Variants in CMSS1 observed in about 807,000 individuals in gnomAD.
The protein encoded by CMSS1 is protein CMSS1.
A neutral mutation model predicts 43.5 loss-of-function variants in CMSS1; 33 were observed. The ratio of observed to expected loss-of-function variants is 0.76; its 90% CI spans 0.57 to 1.01. CMSS1 has a LOEUF of 1.01. Ranked by LOEUF, CMSS1 falls within the 50% of genes least tolerant of loss-of-function variation. CMSS1 has a pLI of 0.00. For missense variants in CMSS1, 313 were observed against 326.4 expected (o/e 0.96, Z 0.32); for synonymous variants, 115 against 117.2 (o/e 0.98, Z 0.12).
chr3:100,172,436 G>C (rs370801320), intron 8 of CMSS1, 33 bp downstream of exon 8: 2 of 1,536,948 alleles, frequency 1.3e-6, no homozygotes, highest in Non-Finnish European at 1.8e-6. Flanking sequence ...CTCTTGCCCA[G>C]GGCTGGGAGT....
chr3:100,054,529 TATGTTATGTTATGTC>T (rs1559741173), intron 1 of CMSS1, among the ~76,000 whole-genome samples: 1 of 151,592 alleles, frequency 6.6e-6, no homozygotes, highest in African/African-American at 2.4e-5. Flanking sequence ...TATGTTATGT[TATGTTATGTTATGTC>T]ATGTTATGTT....
chr3:99,924,416 A>C (rs761153581), intron 1 of CMSS1: 7 of 1,613,182 alleles, frequency 4.3e-6, no homozygotes, highest in Non-Finnish European at 5.9e-6. Context: ...CAACTACGAA[A>C]GAAAACATTT....
At chr3:100,150,399 G>C (rs1402336282) in intron 2 of CMSS1, among the ~76,000 whole-genome samples, 1 of 152,142 alleles carries the variant, frequency 6.6e-6, no homozygotes, top group African/African-American at 2.4e-5. Flanking sequence ...CTTTGCTTAA[G>C]ACTGTACTAT....
At chr3:100,018,544 G>A (rs1002625966) in intron 1 of CMSS1, among the ~76,000 whole-genome samples, 6 of 151,842 alleles carry the variant, frequency 4.0e-5, no homozygotes, top group African/African-American at 7.3e-5. Flanking sequence ...CACCATCTAC[G>A]AAAATCAACT....
chr3:100,153,156 G>C (rs2066936119), intron 2 of CMSS1, among the ~76,000 whole-genome samples: 1 of 152,216 alleles, frequency 6.6e-6, no homozygotes, highest in Non-Finnish European at 1.5e-5. Flanking sequence ...GAAAAAACAG[G>C]ATCATCACCC....
chr3:100,006,962 G>A (rs1386496397), intron 1 of CMSS1, among the ~76,000 whole-genome samples: 1 of 152,150 alleles, frequency 6.6e-6, no homozygotes, highest in Non-Finnish European at 1.5e-5. Context: ...GTTTTGTTCT[G>A]TATATTCTTT....
intron 1 of CMSS1, among the ~76,000 whole-genome samples, chr3:99,961,607 T>C (rs1225857756): frequency 1.3e-5 from 2 of 152,178 alleles, no homozygotes; most frequent in African/African-American, 4.8e-5. Flanking sequence ...CATATTATTT[T>C]GGGGAGCTGG....
chr3:100,114,323 T>C (rs2066537313), intron 1 of CMSS1: 1 of 152,178 alleles, frequency 6.6e-6, no homozygotes, highest in Non-Finnish European at 1.5e-5. Flanking sequence ...GGCAGTGTCC[T>C]TCATGCTCTG....
intron 1 of CMSS1, among the ~76,000 whole-genome samples, chr3:100,057,857 G>A (rs1309147983): frequency 3.3e-5 from 5 of 152,084 alleles, no homozygotes; most frequent in Non-Finnish European, 7.4e-5. Context: ...ATTAACAACT[G>A]TGAATACAAT....
intron 1 of CMSS1, chr3:99,848,228 G>A: frequency 3.2e-6 from 5 of 1,584,110 alleles, no homozygotes; most frequent in African/African-American, 1.3e-5. Flanking sequence ...AAAGGATTGA[G>A]TTCCTTGCAA....
chr3:99,827,729 C>T (rs1395906268), intron 1 of CMSS1, among the ~76,000 whole-genome samples: 2 of 152,260 alleles, frequency 1.3e-5, no homozygotes, highest in South Asian at 2.1e-4. Context: ...CCTCAGCCTC[C>T]GGAGTAGCTG....
At chr3:99,891,143 T>C (rs1706070905) in intron 1 of CMSS1, among the ~76,000 whole-genome samples, 1 of 151,934 alleles carries the variant, frequency 6.6e-6, no homozygotes, top group Admixed American at 6.6e-5. Context: ...CTCAGTGGAG[T>C]TTATTTTCCC....
rs115253615 is a variant in CMSS1 at position 100,009,552 on chromosome 3, G to A, written c.65-137421G>A. ...CTACACTGAGCCTTTTCACTTGATA[G>A]ACCAAGCTCTTAATTTCCCCAGGTT... On this transcript the variant is annotated intron_variant, in intron 1 of 9. Transcript: ENST00000421999. Among the ~76,000 whole-genome samples the A allele has an allele frequency of 2.8e-3, 426 of 152,256 alleles. 2 individuals are homozygous for A. The highest frequency in any genetic ancestry group is 9.7e-3 in the African/African-American group (402 of 41,554).
intron 1 of CMSS1, among the ~76,000 whole-genome samples, chr3:100,036,380 A>G (rs1280301541): frequency 6.6e-6 from 1 of 152,210 alleles, no homozygotes; most frequent in African/African-American, 2.4e-5. Context: ...AATGATGAGG[A>G]CATGTCAAAA....
At chr3:99,848,937 G>A (rs1488330688) in intron 1 of CMSS1, 6 of 1,614,080 alleles carry the variant, frequency 3.7e-6, no homozygotes, top group Non-Finnish European at 4.2e-6. Flanking sequence ...GAGTGGCTGT[G>A]TTTTGTACAT....
chr3:99,827,807 G>A (rs1262586545), intron 1 of CMSS1, among the ~76,000 whole-genome samples: 3 of 151,912 alleles, frequency 2.0e-5, no homozygotes, highest in Admixed American at 1.3e-4. Flanking sequence ...GTTTCTCCAC[G>A]TTGGTGAAGC....
chr3:99,938,083 G>A (rs981799182), intron 1 of CMSS1, among the ~76,000 whole-genome samples: 5 of 152,052 alleles, frequency 3.3e-5, no homozygotes, highest in Non-Finnish European at 5.9e-5. Flanking sequence ...GTGCGCGCGC[G>A]CGCGCGCGTG....
At chr3:100,057,014 G>A (rs186967088) in intron 1 of CMSS1, among the ~76,000 whole-genome samples, 1,831 of 151,664 alleles carry the variant, frequency 0.012, 23 homozygotes, top group African/African-American at 0.027. Context: ...AAAAAAAAAA[G>A]AATTGGGCAA....
At chr3:100,176,471 C>G (rs1576123936) in intron 9 of CMSS1, 56 bp downstream of exon 9, 1 of 1,145,460 alleles carries the variant, frequency 8.7e-7, no homozygotes, top group East Asian at 2.3e-5. Flanking sequence ...GAACTTGGTT[C>G]AAACACAGTA....
Sources: gnomAD v4.1 joint callset for allele counts (sites outside exome capture counted in the v4.1 genomes callset) on GRCh38, gnomAD v4.1.1 for gene constraint, MANE v1.5 for transcripts, NCBI Gene and HGNC (gene_info 2026-07-23, HGNC 2026-07-21) for gene names.